Variants in LCOR observed in about 807,000 individuals in gnomAD.
LCOR encodes the protein ligand-dependent corepressor.
LCOR carries 14 observed loss-of-function variants against 64.4 expected under a neutral mutation model. The ratio of observed to expected loss-of-function variants is 0.22; its 90% CI spans 0.14 to 0.34. The LOEUF (loss-of-function observed/expected upper bound fraction) is 0.34, where lower values mean the gene tolerates loss of function less well. Among genes scored for constraint, LCOR ranks in the 10% least tolerant of loss-of-function variants. The pLI is 1.00. For synonymous variants in LCOR, 643 were observed against 642.5 expected (o/e 1.00, Z -0.01); for missense variants, 1,686 against 1,765.3 (o/e 0.96, Z 0.80).
At chr10:96,910,081 A>G (rs879310530) in intron 4 of LCOR, among the ~76,000 whole-genome samples, 2 of 152,120 alleles carry the variant, frequency 1.3e-5, no homozygotes, top group Non-Finnish European at 2.9e-5. Flanking sequence ...AAAATATTGT[A>G]TGAATTTTTT....
intron 7 of LCOR, among the ~76,000 whole-genome samples, chr10:96,976,512 G>A (rs1848041423): frequency 6.6e-6 from 1 of 152,192 alleles, no homozygotes; most frequent in Admixed American, 6.5e-5. Context: ...ATGGGGACTA[G>A]CTTGAGCCAT....
intron 4 of LCOR, among the ~76,000 whole-genome samples, chr10:96,920,669 T>TGC (rs1491414507): frequency 2.9e-5 from 4 of 137,150 alleles, no homozygotes; most frequent in African/African-American, 9.6e-5. Context: ...TATGTATATA[T>TGC]GTATATATTC....
At chr10:96,867,898 T>C (rs1846001063) in intron 2 of LCOR, among the ~76,000 whole-genome samples, 2 of 152,150 alleles carry the variant, frequency 1.3e-5, no homozygotes, top group Admixed American at 6.5e-5. Flanking sequence ...TTTTTTCTTT[T>C]TTTGAGTTGG....
intron 2 of LCOR, among the ~76,000 whole-genome samples, chr10:96,877,379 G>T (rs1341259486): frequency 6.6e-6 from 1 of 151,904 alleles, no homozygotes; most frequent in Non-Finnish European, 1.5e-5. Context: ...TCAAAAATTA[G>T]CTGAATGTGG....
chr10:96,942,455 A>AG, intron 4 of LCOR, among the ~76,000 whole-genome samples: 1 of 78,500 alleles, frequency 1.3e-5, no homozygotes, highest in Non-Finnish European at 2.3e-5. Context: ...GGAGAGAGGG[A>AG]GAGGAGGGAG....
intron 4 of LCOR, among the ~76,000 whole-genome samples, chr10:96,908,804 C>A (rs564626036): frequency 1.3e-4 from 20 of 152,222 alleles, no homozygotes; most frequent in Admixed American, 4.6e-4. Flanking sequence ...CAGGCTCCCC[C>A]CTCCGGGTTT....
intron 7 of LCOR, among the ~76,000 whole-genome samples, chr10:96,975,723 A>G (rs1263728560): frequency 6.6e-6 from 1 of 152,014 alleles, no homozygotes. Flanking sequence ...GGATAAATAT[A>G]CAAGACTCTG....
intron 2 of LCOR, among the ~76,000 whole-genome samples, chr10:96,882,869 A>G (rs1846285213): frequency 6.6e-6 from 1 of 151,826 alleles, no homozygotes; most frequent in African/African-American, 2.4e-5. Flanking sequence ...TTAGTAATAC[A>G]CTTCTTTAAT....
intron 1 of LCOR, 92 bp from the exon 2 acceptor site, chr10:96,833,314 G>C: frequency 1.1e-6 from 1 of 952,302 alleles, no homozygotes; most frequent in Non-Finnish European, 1.3e-6. Context: ...CCTGCGGGCC[G>C]GAGGGAGCGC....
At chr10:96,974,447 G>C (rs1243703170) in intron 7 of LCOR, among the ~76,000 whole-genome samples, 1 of 152,194 alleles carries the variant, frequency 6.6e-6, no homozygotes, top group Non-Finnish European at 1.5e-5. Context: ...GCATGAACTA[G>C]CATGAGCTCA....
At chr10:96,904,624 T>A (rs1846696679) in intron 2 of LCOR, among the ~76,000 whole-genome samples, 1 of 152,180 alleles carries the variant, frequency 6.6e-6, no homozygotes, top group Admixed American at 6.5e-5. Context: ...AAATAAATAA[T>A]TTTTCTTTAT....
At chr10:96,832,681 C>T (rs1354769984) in intron 1 of LCOR, among the ~76,000 whole-genome samples, 1 of 150,938 alleles carries the variant, frequency 6.6e-6, no homozygotes, top group Non-Finnish European at 1.5e-5. Flanking sequence ...CTCTCCATCC[C>T]CGCCTGCTCG....
At chr10:96,929,385 C>T (rs896842686) in intron 4 of LCOR, among the ~76,000 whole-genome samples, 1 of 152,224 alleles carries the variant, frequency 6.6e-6, no homozygotes, top group South Asian at 2.1e-4. Context: ...TTTGTTGTTA[C>T]AGAGATGACT....
chr10:96,911,706 GTGAC>G (rs909148634), intron 4 of LCOR, among the ~76,000 whole-genome samples: 42 of 152,298 alleles, frequency 2.8e-4, no homozygotes, highest in African/African-American at 9.4e-4. Context: ...GAATCTGTGA[GTGAC>G]TGACTGACTG....
chr10:96,888,827 C>T (rs988836034), intron 2 of LCOR, among the ~76,000 whole-genome samples: 4 of 152,140 alleles, frequency 2.6e-5, no homozygotes, highest in Non-Finnish European at 4.4e-5. Context: ...CTAATTGCCC[C>T]ACCCAAAACC....
intron 2 of LCOR, among the ~76,000 whole-genome samples, chr10:96,845,925 G>A (rs935499533): frequency 3.9e-5 from 6 of 152,018 alleles, no homozygotes; most frequent in Non-Finnish European, 7.4e-5. Context: ...TGATTTGATT[G>A]GCCGGGGATT....
At chr10:96,888,132 C>T (rs1297958259) in intron 2 of LCOR, among the ~76,000 whole-genome samples, 1 of 150,588 alleles carries the variant, frequency 6.6e-6, no homozygotes, top group Non-Finnish European at 1.5e-5. Flanking sequence ...TTTGGGAGGC[C>T]GAGGTTGGCG....
chr10:96,906,411 G>A (rs186061554), intron 2 of LCOR, among the ~76,000 whole-genome samples: 7 of 152,216 alleles, frequency 4.6e-5, no homozygotes, highest in African/African-American at 1.7e-4. Context: ...GCTTTAATCT[G>A]TTATTTCTGG....
chr10:96,832,939 C>G, intron 1 of LCOR: 1 of 972,302 alleles, frequency 1.0e-6, no homozygotes, highest in East Asian at 1.2e-4. Flanking sequence ...CAGGCGGGCG[C>G]CCGGCGCTCG....
Sources: gnomAD v4.1 joint callset for allele counts (sites outside exome capture counted in the v4.1 genomes callset) on GRCh38, gnomAD v4.1.1 for gene constraint, MANE v1.5 for transcripts, NCBI Gene and HGNC (gene_info 2026-07-23, HGNC 2026-07-21) for gene names.